ARHGEF10L: variants seen among roughly 807,000 people sequenced by gnomAD.
The protein encoded by ARHGEF10L is rho guanine nucleotide exchange factor 10-like protein.
In ARHGEF10L, 69 loss-of-function variants were observed where a neutral mutation model predicts 141.2. That is an observed-to-expected ratio of 0.49 (90% confidence interval 0.40 to 0.60). The LOEUF is 0.60. ARHGEF10L is among the 20% of genes least tolerant of loss of function. ARHGEF10L has a pLI of 0.00. For missense variants in ARHGEF10L, 1,482 were observed against 1,734.3 expected, an observed-to-expected ratio of 0.85 and a Z score of 2.58; for synonymous variants, 711 against 718.5, an observed-to-expected ratio of 0.99 and a Z score of 0.17.
rs760601129 is a variant in ARHGEF10L at position 17,622,982 on chromosome 1, G to T, written c.1021-14G>T. The T allele has an allele frequency of 6.2e-7, 1 of 1,606,634 alleles. No individual in the cohort carries two copies. The highest frequency in any genetic ancestry group is 1.1e-5 in the South Asian group (1 of 90,538). ...GCGGCCTGGCCTGCGGCCTCACCCC[G>T]CCCTCCCCGGCAGGACTACCGCAAC... is the stretch of plus-strand genomic sequence containing the variant. On this transcript the variant is annotated splice_polypyrimidine_tract_variant and intron_variant, in intron 11 of 28. Transcript: ENST00000361221.
At position 17,627,371 on chromosome 1, in the gene ARHGEF10L, G is replaced by A. The variant is rs370122355; in HGVS notation, c.1452G>A (p.Leu484=). The A allele has an allele frequency of 4.6e-5, 74 of 1,613,988 alleles. No individual in the cohort carries two copies. The highest frequency in any genetic ancestry group is 6.1e-5 in the Non-Finnish European group (72 of 1,180,040). The change falls in exon 15 of 29, where the codon CTG becomes CTA. Residue 484 remains leucine (L), a synonymous_variant. Coordinates refer to ENST00000361221, the MANE Select transcript of ARHGEF10L (RefSeq NM_018125.4). This position sits in a 1 kb window ranked among gnomAD's most constrained non-coding sequence, Gnocchi z 4.0. ...CCCCCAGGGGCCATCCGGACAGGCTGTCGCTGCAGCTGGCCCTCACAGAGC... is the reference window on the plus strand; with the variant it reads ...CCCCCAGGGGCCATCCGGACAGGCTATCGCTGCAGCTGGCCCTCACAGAGC... ...KNTPRGHPDR[L]SLQLALTELE... is the part of the protein sequence containing the mutation.
intron 8 of ARHGEF10L, among the ~76,000 whole-genome samples, chr1:17,614,634 T>C (rs2059712393): frequency 6.7e-6 from 1 of 149,786 alleles, no homozygotes; most frequent in Non-Finnish European, 1.5e-5. Flanking sequence ...AAGATGAGCG[T>C]CTATGCCATC....
At chr1:17,666,493 T>A (rs1422096888) in intron 26 of ARHGEF10L, among the ~76,000 whole-genome samples, 1 of 151,974 alleles carries the variant, frequency 6.6e-6, no homozygotes, top group African/African-American at 2.4e-5. Context: ...ATGGGCAGCA[T>A]GAGCTCCAAC....
Position 17,588,427 on chromosome 1 carries a change from G to A in ARHGEF10L, c.224-19G>A. The A allele has an allele frequency of 6.2e-7, 1 of 1,613,948 alleles. No individual in the cohort carries two copies. Among genetic ancestry groups the A allele is most frequent in the Non-Finnish European group, 8.5e-7 (1 of 1,179,894 alleles). Reference sequence around the variant, plus strand: ...CAGCCTCTGGCCTGACAGGCTCTCTGTCTGCTCTTCTTTTGCAGACCCAGA... The same window carrying A: ...CAGCCTCTGGCCTGACAGGCTCTCTATCTGCTCTTCTTTTGCAGACCCAGA... On this transcript the variant is annotated intron_variant, in intron 3 of 28. Transcript: ENST00000361221.
At chr1:17,640,765 C>A (rs2061284279) in intron 21 of ARHGEF10L, among the ~76,000 whole-genome samples, 1 of 151,954 alleles carries the variant, frequency 6.6e-6, no homozygotes, top group Non-Finnish European at 1.5e-5. Flanking sequence ...AAGCTGTTAC[C>A]CAGAAAAATG....
In ARHGEF10L at chr1:17,683,548, C is replaced by A. The variant is rs187188087; in HGVS notation, c.3010-4025C>A. On this transcript the variant is annotated intron_variant, in intron 26 of 28. Coordinates refer to ENST00000361221, the MANE Select transcript of ARHGEF10L (RefSeq NM_018125.4). ...CTCCCTGCCCTGTGGGCCCAGGAGG[C>A]TCAGGCAGGACTCCAGGCTCGTGGT... 2.9e-4 allele frequency among the ~76,000 whole-genome samples: 44 copies of A among 152,324 alleles called. No homozygotes were observed. The East Asian group carries it at 8.1e-3, about 28-fold the overall frequency.
intron 23 of ARHGEF10L, 68 bp from the exon 24 acceptor site, chr1:17,655,811 G>A: frequency 7.1e-7 from 1 of 1,417,486 alleles, no homozygotes; most frequent in Admixed American, 2.0e-5. Context: ...GGAAAGCAGG[G>A]GCTGAGGTCC....
chr1:17,547,210 G>A (rs1448441718), intron 1 of ARHGEF10L, among the ~76,000 whole-genome samples: 1 of 152,250 alleles, frequency 6.6e-6, no homozygotes, highest in Non-Finnish European at 1.5e-5. Flanking sequence ...TCCCTGCCAT[G>A]GGGTTCATCT....
At chr1:17,538,951 C>G (rs538305610), upstream of ARHGEF10L, among the ~76,000 whole-genome samples, 1 of 152,314 alleles carries the variant, frequency 6.6e-6, no homozygotes, top group South Asian at 2.1e-4. Flanking sequence ...TCCAGAGGCC[C>G]TCTTTGGAAT....
chr1:17,618,254 C>G, intron 9 of ARHGEF10L: 18 of 1,300,940 alleles, frequency 1.4e-5, no homozygotes, highest in East Asian at 3.1e-5. Flanking sequence ...CTCTCCTCAG[C>G]CCTCCCCACC....
chr1:17,530,123 G>A, the ARHGEF10L span, among the ~76,000 whole-genome samples: 2 of 151,938 alleles, frequency 1.3e-5, no homozygotes, highest in Admixed American at 6.6e-5. Flanking sequence ...GTGAGCCACC[G>A]CACCTGGCCA....
At position 17,694,950 on chromosome 1, in the gene ARHGEF10L, G is replaced by A. The variant is rs111632969; in HGVS notation, c.3185-208G>A. The A allele has an allele frequency of 9.8e-4, 718 of 736,186 alleles. 3 individuals carry two copies. The highest frequency in any genetic ancestry group is 5.6e-3 in the African/African-American group (328 of 58,120). 45.6% of individuals were successfully genotyped at this position (736,186 alleles called of 1,614,324 possible). On this transcript the variant is annotated intron_variant, in intron 27 of 28. Transcript: ENST00000361221. ...TTTACACAGGCGGAAACTGAGGCTG[G>A]TTAGGGGAGTGCTCAGCTGCAGGAC... is the stretch of plus-strand genomic sequence containing the variant.
rs749928058 is a variant in ARHGEF10L, at chr1:17,623,180, G to A, written c.1200+5G>A. 25 of 1,610,696 alleles carry A rather than the reference G, an allele frequency of 1.6e-5. No homozygotes were observed. The highest frequency in any genetic ancestry group is 8.0e-5 in the African/African-American group (6 of 74,704). On this transcript the variant is annotated splice_donor_5th_base_variant and intron_variant, in intron 12 of 28. Coordinates refer to ENST00000361221, the MANE Select transcript of ARHGEF10L (RefSeq NM_018125.4). The surrounding 1 kb of genome is among the most constrained non-coding windows in gnomAD (Gnocchi z 4.7). ...GGGGACCTCTTCGTGGCCTCGGTAA[G>A]TGTCCCCAAACTTTTTCCCCAGCCC...
At chr1:17,693,379 G>A (rs2065243211) in intron 27 of ARHGEF10L, among the ~76,000 whole-genome samples, 1 of 152,198 alleles carries the variant, frequency 6.6e-6, no homozygotes, top group African/African-American at 2.4e-5. Flanking sequence ...CATCTGGGAG[G>A]TAAATGGATT....
intron 22 of ARHGEF10L, among the ~76,000 whole-genome samples, chr1:17,652,149 G>C (rs3766312): frequency 0.13 from 20,356 of 152,218 alleles, 1,548 homozygotes; most frequent in Non-Finnish European, 0.17. Context: ...GGCAGAGGGA[G>C]TTGCTGGCCA....
intron 4 of ARHGEF10L, among the ~76,000 whole-genome samples, chr1:17,590,851 G>A (rs997828217): frequency 2.0e-5 from 3 of 152,198 alleles, no homozygotes; most frequent in African/African-American, 7.2e-5. Flanking sequence ...GCCGGTCCTG[G>A]TGAACGGTGC....
chr1:17,629,309 G>C (rs2060552146), intron 15 of ARHGEF10L, among the ~76,000 whole-genome samples: 1 of 152,118 alleles, frequency 6.6e-6, no homozygotes, highest in African/African-American at 2.4e-5. Context: ...TCACAGGCAT[G>C]AGCCACGGTG....
intron 1 of ARHGEF10L, among the ~76,000 whole-genome samples, chr1:17,556,269 C>CGG (rs1194163932): frequency 8.5e-3 from 72 of 8,452 alleles, no homozygotes; most frequent in African/African-American, 0.032. Context: ...GGGAGCATGG[C>CGG]GGCGGGGGGG....
chr1:17,646,622 T>C (rs2061616815), intron 21 of ARHGEF10L, among the ~76,000 whole-genome samples: 2 of 151,932 alleles, frequency 1.3e-5, no homozygotes, highest in Admixed American at 1.3e-4. Flanking sequence ...AGAGCCACAC[T>C]GGTGGAGGAG....
Sources: allele counts gnomAD v4.1 joint callset (sites outside exome capture counted in the v4.1 genomes callset), GRCh38; gene constraint gnomAD v4.1.1; non-coding constraint Gnocchi (gnomAD v3.1); transcripts MANE v1.5; gene names NCBI Gene and HGNC (gene_info 2026-07-23, HGNC 2026-07-21).